PLPP3: variants seen among roughly 807,000 people sequenced by gnomAD.
PLPP3 encodes PAP2 beta.
In PLPP3, 6 loss-of-function variants were observed where a neutral mutation model predicts 29.6. The observed-to-expected ratio is 0.20, with a 90% CI of 0.11 to 0.40. The LOEUF (loss-of-function observed/expected upper bound fraction) is 0.40. Ranked by LOEUF, PLPP3 falls within the 10% of genes least tolerant of loss-of-function variation. The pLI, the probability that PLPP3 is intolerant of heterozygous loss-of-function variation, is 1.00. For missense variants in PLPP3, 308 were observed against 407.7 expected, an observed-to-expected ratio of 0.76 and a Z score of 2.11; for synonymous variants, 152 against 159.7, an observed-to-expected ratio of 0.95 and a Z score of 0.36.
At chr1:56,538,626 T>C (rs1309800369) in intron 1 of PLPP3, 2 of 340,252 alleles carry the variant, frequency 5.9e-6, no homozygotes, top group South Asian at 3.1e-5. Flanking sequence ...AGTGTTACCA[T>C]GGCTAAACTG....
chr1:56,510,322 G>A (rs1014498740), intron 5 of PLPP3, among the ~76,000 whole-genome samples: 5 of 152,160 alleles, frequency 3.3e-5, no homozygotes, highest in African/African-American at 7.2e-5. Flanking sequence ...TCTCATTAAC[G>A]GTTTGCTCCC....
rs117363328 is a variant in PLPP3, at chr1:56,544,878, G to A, written c.140-7766C>T. On this transcript the variant is annotated intron_variant, in intron 1 of 5. Transcript: ENST00000371250. The stretch of plus-strand genomic sequence containing the variant: ...CAGCCACTCTCTCTCTGCCTCATAA[G>A]TCTCCCTTATGACCCAAAGGCATTC... 2.0e-5 allele frequency among the ~76,000 whole-genome samples: 3 copies of A among 152,292 alleles called. No homozygotes were observed. The East Asian group carries it at 5.8e-4, about 29-fold the overall frequency.
At chr1:56,557,652 G>A (rs10888980) in intron 1 of PLPP3, among the ~76,000 whole-genome samples, 127,332 of 152,118 alleles carry the variant, frequency 0.84, 53,876 homozygotes, top group Non-Finnish European at 0.9. Context: ...GAATGGTTAT[G>A]TGTATGTACC....
chr1:56,577,064 G>A (rs1361782679), intron 1 of PLPP3, among the ~76,000 whole-genome samples: 1 of 152,160 alleles, frequency 6.6e-6, no homozygotes, highest in East Asian at 1.9e-4. Context: ...GTAGGAGGTA[G>A]GAGGGTATCC....
intron 5 of PLPP3, among the ~76,000 whole-genome samples, chr1:56,505,569 T>C (rs1645696885): frequency 6.6e-6 from 1 of 152,228 alleles, no homozygotes; most frequent in Non-Finnish European, 1.5e-5. Flanking sequence ...CTACTCAACA[T>C]GGAAACAACC....
In PLPP3 at chr1:56,524,900, G is replaced by C. The variant is rs566031524; in HGVS notation, c.298-346C>G. 6.6e-6 allele frequency among the ~76,000 whole-genome samples: 1 copy of C among 151,952 alleles called. No homozygotes were observed. Among genetic ancestry groups the C allele is most frequent in the African/African-American group, 2.4e-5 (1 of 41,426 alleles). On this transcript the variant is annotated intron_variant, in intron 2 of 5. Transcript: ENST00000371250. The surrounding 1 kb of genome is among the most constrained non-coding windows in gnomAD (Gnocchi z 4.3). ...AAGAAATACTAAATGAAGAATCAAC[G>C]ACAAGGTAAAGGGTAGCTATGATGT...
chr1:56,510,576 T>C (rs537099063), intron 5 of PLPP3, among the ~76,000 whole-genome samples: 13 of 152,312 alleles, frequency 8.5e-5, no homozygotes, highest in African/African-American at 2.9e-4. Context: ...CACATGTCAC[T>C]ATGACAGCCC....
rs146959612 is a variant in PLPP3, at chr1:56,545,239, C to A, written c.140-8127G>T. Reference sequence around the variant, plus strand: ...ATCAACTGTCATTCTTGCTGTATGACCTTAACTCTCTGAACTTTATTTTTA... The same window carrying A: ...ATCAACTGTCATTCTTGCTGTATGAACTTAACTCTCTGAACTTTATTTTTA... On this transcript the variant is annotated intron_variant, in intron 1 of 5. Transcript: ENST00000371250. 1.5e-3 allele frequency among the ~76,000 whole-genome samples: 236 copies of A among 152,304 alleles called. 2 individuals carry two copies. Among genetic ancestry groups the A allele is most frequent in the African/African-American group, 5.4e-3 (223 of 41,560 alleles).
intron 1 of PLPP3, among the ~76,000 whole-genome samples, chr1:56,571,227 T>C (rs1646195475): frequency 6.6e-6 from 1 of 152,184 alleles, no homozygotes. Flanking sequence ...ACCAAGGGCA[T>C]TGACTAGGAT....
intron 1 of PLPP3, among the ~76,000 whole-genome samples, chr1:56,573,917 A>G (rs1040134852): frequency 2.0e-5 from 3 of 152,102 alleles, no homozygotes; most frequent in African/African-American, 7.2e-5. Context: ...AAAGCAGAAA[A>G]GGGGCCTGGC....
At chr1:56,578,676 A>G (rs1314518866) in intron 1 of PLPP3, among the ~76,000 whole-genome samples, 1 of 152,054 alleles carries the variant, frequency 6.6e-6, no homozygotes, top group Non-Finnish European at 1.5e-5. Flanking sequence ...GACCCACTCA[A>G]GTACAGGCCA....
At chr1:56,533,956 A>C (rs1569886878) in intron 2 of PLPP3, among the ~76,000 whole-genome samples, 2 of 152,184 alleles carry the variant, frequency 1.3e-5, no homozygotes, top group South Asian at 4.1e-4. Context: ...ATGGCTAGGG[A>C]GAGAAGGAGA....
chr1:56,521,645 C>T (rs1318542818), intron 4 of PLPP3, among the ~76,000 whole-genome samples: 1 of 152,026 alleles, frequency 6.6e-6, no homozygotes, highest in African/African-American at 2.4e-5. Context: ...TCAAGGGATC[C>T]TCTTATCTTG....
intron 1 of PLPP3, chr1:56,538,346 G>A (rs1157019737): frequency 4.1e-5 from 10 of 241,410 alleles, no homozygotes; most frequent in African/African-American, 4.6e-5. Context: ...ATGACACTTC[G>A]CAAAGTAAAA....
intron 4 of PLPP3, among the ~76,000 whole-genome samples, chr1:56,523,062 G>A (rs1645830011): frequency 1.3e-5 from 2 of 152,172 alleles, no homozygotes; most frequent in Non-Finnish European, 2.9e-5. Flanking sequence ...TTCTACTACT[G>A]GTTGAAGGAA....
intron 2 of PLPP3, among the ~76,000 whole-genome samples, chr1:56,528,913 T>C (rs1469496722): frequency 1.3e-5 from 2 of 151,046 alleles, no homozygotes; most frequent in Non-Finnish European, 2.9e-5. Context: ...CTCTACTGTT[T>C]TGTGTTATTT....
At chr1:56,536,876 G>T in intron 2 of PLPP3, 79 bp downstream of exon 2, 1 of 1,553,308 alleles carries the variant, frequency 6.4e-7, no homozygotes, top group Non-Finnish European at 8.8e-7. Context: ...ATAAGTCTCT[G>T]TTGGCTCAGA....
intron 2 of PLPP3, among the ~76,000 whole-genome samples, chr1:56,532,820 C>T (rs925414984): frequency 1.3e-5 from 2 of 152,110 alleles, no homozygotes; most frequent in African/African-American, 4.8e-5. Context: ...AGATCTGTCT[C>T]TCCCCTGTGC....
chr1:56,502,308 A>T (rs1354346004), intron 5 of PLPP3, among the ~76,000 whole-genome samples: 2 of 152,216 alleles, frequency 1.3e-5, no homozygotes, highest in Non-Finnish European at 2.9e-5. Flanking sequence ...AAATGCTAGC[A>T]AAGGGTAGAT....
Sources: allele counts gnomAD v4.1 joint callset (sites outside exome capture counted in the v4.1 genomes callset), GRCh38; gene constraint gnomAD v4.1.1; non-coding constraint Gnocchi (gnomAD v3.1); transcripts MANE v1.5; gene names NCBI Gene and HGNC (gene_info 2026-07-23, HGNC 2026-07-21).